NAALADL2: variants seen among roughly 807,000 people sequenced by gnomAD.
NAALADL2 encodes the protein inactive N-acetylated-alpha-linked acidic dipeptidase-like protein 2.
NAALADL2 carries 76 observed loss-of-function variants against 87.2 expected under a neutral mutation model. That is an observed-to-expected ratio of 0.87 (90% CI 0.72 to 1.05). The LOEUF (loss-of-function observed/expected upper bound fraction) is 1.05. Among genes scored for constraint, NAALADL2 ranks in the 50% least tolerant of loss-of-function variants. The pLI, the probability that NAALADL2 is intolerant of heterozygous loss-of-function variation, is 0.00. For missense variants in NAALADL2, 1,089 were observed against 945.8 expected (o/e 1.15, Z -1.99); for synonymous variants, 354 against 331.0 (o/e 1.07, Z -0.75).
intron 1 of NAALADL2, among the ~76,000 whole-genome samples, chr3:175,037,608 CCA>C (rs1047296251): frequency 2.6e-5 from 4 of 152,056 alleles, no homozygotes; most frequent in African/African-American, 7.2e-5. Context: ...TATCTGGATT[CCA>C]CAGTCTGCCT....
chr3:175,672,677 A>C (rs1734163446), intron 11 of NAALADL2, among the ~76,000 whole-genome samples: 1 of 152,166 alleles, frequency 6.6e-6, no homozygotes, highest in Non-Finnish European at 1.5e-5. Context: ...AATTCAATCA[A>C]AACGGCAAGG....
In NAALADL2 at chr3:175,097,252, T is replaced by C. The variant is rs1451465055; in HGVS notation, c.506T>C (p.Leu169Pro). ...TVDPQLYQEILKTIQAEDIKK... is the reference protein window; with the variant it reads ...TVDPQLYQEIPKTIQAEDIKK... ...GATCCTCAGTTATATCAAGAGATTC[T>C]CAAGACAATCCAGGCAGAAGATATT... Residue 169 changes from leucine (L) to proline (P), a missense_variant, in exon 2 of 14, where the codon CTC (leucine) becomes CCC (proline). Coordinates refer to ENST00000454872, the MANE Select transcript of NAALADL2 (RefSeq NM_207015.3). 6.2e-7 allele frequency: 1 copy of C among 1,612,854 alleles called. No homozygotes were observed. The highest frequency in any genetic ancestry group is 8.5e-7 in the Non-Finnish European group (1 of 1,179,196).
At chr3:174,488,571 CT>C (rs1717999351) in intron 1 of NAALADL2, among the ~76,000 whole-genome samples, 1 of 152,026 alleles carries the variant, frequency 6.6e-6, no homozygotes, top group African/African-American at 2.4e-5. Flanking sequence ...TAAAAACTCT[CT>C]TTTTAACCAA....
At chr3:175,607,903 A>ACACACACATG (rs1723993157) in intron 10 of NAALADL2, among the ~76,000 whole-genome samples, 1 of 58,158 alleles carries the variant, frequency 1.7e-5, no homozygotes, top group Non-Finnish European at 4.0e-5. Context: ...CATGGAACAC[A>ACACACACATG]CACACACACG....
intron 5 of NAALADL2, among the ~76,000 whole-genome samples, chr3:175,347,525 G>T (rs978404842): frequency 6.6e-6 from 1 of 152,072 alleles, no homozygotes; most frequent in Non-Finnish European, 1.5e-5. Flanking sequence ...AGGTGGGAAA[G>T]GAAAGAAAGC....
intron 4 of NAALADL2, among the ~76,000 whole-genome samples, chr3:175,279,567 ATATGT>A (rs1205112366): frequency 6.6e-6 from 1 of 152,046 alleles, no homozygotes; most frequent in Non-Finnish European, 1.5e-5. Context: ...GCATAAAATC[ATATGT>A]TATGTCTCTT....
chr3:175,251,875 A>T (rs1560234267), intron 3 of NAALADL2, among the ~76,000 whole-genome samples: 1 of 152,182 alleles, frequency 6.6e-6, no homozygotes, highest in Admixed American at 6.5e-5. Flanking sequence ...TTCTGTAATT[A>T]TTGATTTTTA....
chr3:175,531,447 T>C (rs1734076557), intron 9 of NAALADL2, among the ~76,000 whole-genome samples: 1 of 152,208 alleles, frequency 6.6e-6, no homozygotes. Context: ...GTCTCACCAA[T>C]AAGTCTGGTG....
At chr3:174,861,593 ATG>A (rs1726511959) in intron 1 of NAALADL2, among the ~76,000 whole-genome samples, 1 of 152,122 alleles carries the variant, frequency 6.6e-6, no homozygotes, top group Non-Finnish European at 1.5e-5. Context: ...TATATTAAAC[ATG>A]TGGATGACTT....
chr3:174,707,402 T>C (rs969482818), intron 2 of NAALADL2, among the ~76,000 whole-genome samples: 20 of 151,980 alleles, frequency 1.3e-4, no homozygotes, highest in Non-Finnish European at 7.4e-5. Flanking sequence ...AACCCAAATG[T>C]CCAACAATGA....
intron 1 of NAALADL2, among the ~76,000 whole-genome samples, chr3:174,887,821 C>CTTT (rs537247141): frequency 7.0e-6 from 1 of 142,494 alleles, no homozygotes; most frequent in Non-Finnish European, 1.5e-5. Context: ...GCTTGAGCAT[C>CTTT]TTTTTTTTTT....
chr3:175,676,699 G>A (rs1734836653), intron 11 of NAALADL2: 1 of 150,274 alleles, frequency 6.7e-6, no homozygotes, highest in Non-Finnish European at 1.5e-5. Flanking sequence ...TTTTTGATTA[G>A]TTTCTCCCCA....
chr3:174,480,751 T>G (rs2108328869), intron 1 of NAALADL2, among the ~76,000 whole-genome samples: 1 of 152,210 alleles, frequency 6.6e-6, no homozygotes, highest in Middle Eastern at 3.4e-3. Context: ...AACAGAATTT[T>G]TATAGTGGGG....
At chr3:175,261,643 T>C (rs1454645967) in intron 4 of NAALADL2, among the ~76,000 whole-genome samples, 1 of 152,118 alleles carries the variant, frequency 6.6e-6, no homozygotes, top group Non-Finnish European at 1.5e-5. Flanking sequence ...TATTAGTCAA[T>C]ATTAGCTAGT....
intron 3 of NAALADL2, among the ~76,000 whole-genome samples, chr3:174,739,800 C>G (rs150557442): frequency 1.3e-5 from 2 of 152,018 alleles, no homozygotes; most frequent in African/African-American, 2.4e-5. Flanking sequence ...TCAAACTGAT[C>G]AGAAGTGGTT....
At chr3:174,597,197 G>C (rs1225715897) in intron 2 of NAALADL2, among the ~76,000 whole-genome samples, 1 of 152,228 alleles carries the variant, frequency 6.6e-6, no homozygotes, top group Admixed American at 6.5e-5. Flanking sequence ...AGTCTACTCT[G>C]AGTGGATTCA....
intron 2 of NAALADL2, among the ~76,000 whole-genome samples, chr3:174,711,309 C>T (rs1730604307): frequency 1.3e-5 from 2 of 152,188 alleles, no homozygotes; most frequent in Admixed American, 1.3e-4. Flanking sequence ...CTTGAGTGAG[C>T]TCATATCAAA....
intron 1 of NAALADL2, among the ~76,000 whole-genome samples, chr3:175,027,445 C>T (rs936458451): frequency 4.6e-5 from 7 of 151,952 alleles, no homozygotes; most frequent in Non-Finnish European, 1.0e-4. Flanking sequence ...CACTTATGTA[C>T]CATAGTACAT....
intron 4 of NAALADL2, among the ~76,000 whole-genome samples, chr3:175,262,038 A>C (rs1422095374): frequency 6.6e-6 from 1 of 152,082 alleles, no homozygotes; most frequent in Non-Finnish European, 1.5e-5. Context: ...AGAAAAGCAG[A>C]CTTGACACTC....
Sources: allele counts gnomAD v4.1 joint callset (sites outside exome capture counted in the v4.1 genomes callset), GRCh38; gene constraint gnomAD v4.1.1; transcripts MANE v1.5; gene names NCBI Gene and HGNC (gene_info 2026-07-23, HGNC 2026-07-21).